The following CFAP43 variants were observed in gnomAD, a reference collection of about 807,000 sequenced individuals.
CFAP43 encodes the protein cilia- and flagella-associated protein 43.
Under a neutral mutation model 218.9 loss-of-function variants are expected in CFAP43, and 155 were observed. The observed-to-expected ratio is 0.71, with a 90% CI of 0.62 to 0.81. The LOEUF is 0.81. Among genes scored for constraint, CFAP43 ranks in the 30% least tolerant of loss-of-function variants. The pLI, the probability that CFAP43 is intolerant of heterozygous loss-of-function variation, is 0.00. For synonymous variants in CFAP43, 645 were observed against 681.3 expected (o/e 0.95, Z 0.83); for missense variants, 1,778 against 1,954.3 (o/e 0.91, Z 1.70).
chr10:104,207,917 T>C, intron 5 of CFAP43, 93 bp from the exon 6 acceptor site: 3 of 1,287,532 alleles, frequency 2.3e-6, no homozygotes, highest in South Asian at 1.5e-5. Flanking sequence ...AAAGGAACCA[T>C]ACTTAACCCC....
At chr10:104,183,588 A>G (rs1261073292) in intron 16 of CFAP43, among the ~76,000 whole-genome samples, 1 of 151,822 alleles carries the variant, frequency 6.6e-6, no homozygotes, top group Non-Finnish European at 1.5e-5. Context: ...ACGGGGTTTC[A>G]CCTTGTTAGC....
At chr10:104,188,820 C>A (rs1382219801) in intron 12 of CFAP43, among the ~76,000 whole-genome samples, 1 of 152,168 alleles carries the variant, frequency 6.6e-6, no homozygotes, top group Non-Finnish European at 1.5e-5. Context: ...TGGTCAAGGA[C>A]TGTGGGTGTG....
At chr10:104,221,403 A>G (rs768827261) in intron 3 of CFAP43, among the ~76,000 whole-genome samples, 2 of 152,070 alleles carry the variant, frequency 1.3e-5, no homozygotes, top group African/African-American at 2.4e-5. Flanking sequence ...ACTTTTGGGG[A>G]GTGATCAGGT....
intron 11 of CFAP43, 193 bp downstream of exon 11, chr10:104,193,673 G>T: frequency 1.5e-6 from 1 of 650,988 alleles, no homozygotes; most frequent in Non-Finnish European, 2.4e-6. Flanking sequence ...TGCCTGCAAG[G>T]ACAGACCTGG....
chr10:104,214,217 C>A, intron 4 of CFAP43, 42 bp downstream of exon 4: 1 of 1,513,786 alleles, frequency 6.6e-7, no homozygotes, highest in Non-Finnish European at 8.8e-7. Context: ...CGAATGCAAA[C>A]AAAGACCACC....
intron 17 of CFAP43, among the ~76,000 whole-genome samples, chr10:104,181,714 C>G (rs1409270370): frequency 1.3e-5 from 2 of 152,194 alleles, no homozygotes; most frequent in African/African-American, 4.8e-5. Flanking sequence ...TCTTGCTACC[C>G]TCCCATTGTC....
chr10:104,141,628 A>G (rs1169713946), intron 33 of CFAP43, among the ~76,000 whole-genome samples: 1 of 152,172 alleles, frequency 6.6e-6, no homozygotes, highest in Non-Finnish European at 1.5e-5. Flanking sequence ...ATAAATAAAT[A>G]AATAAAATAA....
At chr10:104,132,757 C>A in intron 35 of CFAP43, 1 of 982,192 alleles carries the variant, frequency 1.0e-6, no homozygotes, top group Non-Finnish European at 1.2e-6. Flanking sequence ...TTCATTAATT[C>A]ATTTATTCAA....
intron 11 of CFAP43, chr10:104,192,591 A>G (rs2090262973): frequency 3.1e-6 from 1 of 326,152 alleles, no homozygotes; most frequent in Non-Finnish European, 5.6e-6. Context: ...CTGTCGGTAG[A>G]GCTTTCTTGA....
chr10:104,220,949 CGTGTGTGTGTGTGT>C lies in CFAP43; in HGVS notation c.416+4498_416+4511del, dbSNP rs68093596. On this transcript the variant is annotated intron_variant, in intron 3 of 37. Coordinates refer to ENST00000357060, the MANE Select transcript of CFAP43 (RefSeq NM_025145.7). ...CTTTTTCTAACTCTATATGAGTGAG[CGTGTGTGTGTGTGT>C]GTGTGTGTGTGTGTGTGTGTGTGTG... 2.3e-3 allele frequency among the ~76,000 whole-genome samples: 325 copies of C among 143,698 alleles called. 2 individuals are homozygous for C. The highest frequency in any genetic ancestry group is 7.5e-3 in the African/African-American group (294 of 39,180). The allele number at this position is 143,698 out of a possible 152,430, so 94.3% of individuals were successfully genotyped here.
chr10:104,217,998 AC>A (rs2091062505), intron 3 of CFAP43, among the ~76,000 whole-genome samples: 1 of 152,234 alleles, frequency 6.6e-6, no homozygotes, highest in Non-Finnish European at 1.5e-5. Flanking sequence ...TGCTTAGACA[AC>A]ACTTGCTTGC....
chr10:104,226,653 G>GA (rs1349792048), intron 2 of CFAP43, among the ~76,000 whole-genome samples: 1 of 151,712 alleles, frequency 6.6e-6, no homozygotes, highest in Non-Finnish European at 1.5e-5. Context: ...GTGTTTACTT[G>GA]AAAAAATACA....
chr10:104,149,978 A>G (rs2088169630), intron 28 of CFAP43, among the ~76,000 whole-genome samples: 1 of 152,108 alleles, frequency 6.6e-6, no homozygotes, highest in African/African-American at 2.4e-5. Flanking sequence ...CGACTTTCTA[A>G]TTTCTGGCTT....
Position 104,172,414 on chromosome 10 carries a change from G to T in CFAP43, c.2582C>A (p.Ala861Glu), listed in dbSNP as rs774730136. 4 of 1,603,966 alleles carry T rather than the reference G, an allele frequency of 2.5e-6. No individual in the cohort carries two copies. The highest frequency in any genetic ancestry group is 2.3e-5 in the East Asian group (1 of 44,090). The change falls in exon 20 of 38, where the codon GCA becomes GAA. Residue 861 changes from alanine (A) to glutamate (E), a missense_variant. By Grantham distance (107) the Ala-to-Glu change is moderately radical. This residue lies in a region of CFAP43 where 1,553 missense variants were observed against 1,685.2 expected (regional missense o/e 0.92). Transcript: ENST00000357060. ...TTAAATTATACTTTTTCATACCTTT[G>T]CCACTTCTTCCTGACTTTCATCATG... ...RLHDESQEEV[A>E]KMIKDVEMHN...
chr10:104,203,516 T>C (rs2090592972), intron 8 of CFAP43, 156 bp downstream of exon 8: 4 of 594,020 alleles, frequency 6.7e-6, no homozygotes, highest in Non-Finnish European at 1.1e-5. Context: ...CTTTGTAATT[T>C]AGGCCTTTTA....
At chr10:104,157,172 A>G (rs1245131294) in intron 27 of CFAP43, among the ~76,000 whole-genome samples, 1 of 152,194 alleles carries the variant, frequency 6.6e-6, no homozygotes, top group Non-Finnish European at 1.5e-5. Context: ...TTTAGCTGAT[A>G]CTTTGTAGAG....
chr10:104,146,336 T>C lies in CFAP43; in HGVS notation c.3782A>G (p.Glu1261Gly). ...GTCTTCTCTAGATTTCCGAACAGCT[T>C]CTGAAGTCTGGCTCTATAACAGCAT... Reference protein sequence around the residue: ...RKQHEKSQTSEAVRKSREDLD... With the variant: ...RKQHEKSQTSGAVRKSREDLD... The change falls in exon 30 of 38, where the codon GAA becomes GGA. Residue 1261 changes from glutamate to glycine, a missense_variant. Glu to Gly is a moderately conservative substitution (Grantham distance 98). This residue lies in a region of CFAP43 where 1,553 missense variants were observed against 1,685.2 expected (regional missense o/e 0.92). Coordinates refer to ENST00000357060, the MANE Select transcript of CFAP43 (RefSeq NM_025145.7). 1 of 1,613,640 alleles carries C rather than the reference T, an allele frequency of 6.2e-7. No individual in the cohort carries two copies. Among genetic ancestry groups the C allele is most frequent in the Non-Finnish European group, 8.5e-7 (1 of 1,179,658 alleles).
chr10:104,214,772 C>T (rs2090967670), intron 3 of CFAP43, among the ~76,000 whole-genome samples: 2 of 152,222 alleles, frequency 1.3e-5, no homozygotes, highest in African/African-American at 4.8e-5. Flanking sequence ...GTAAGTACTA[C>T]ATGTGAGTAC....
intron 20 of CFAP43, among the ~76,000 whole-genome samples, chr10:104,169,553 G>A (rs1424563341): frequency 1.3e-5 from 2 of 151,002 alleles, no homozygotes; most frequent in East Asian, 1.9e-4. Flanking sequence ...TTTCTGAAAG[G>A]CCTGGTGTGA....
Sources: gnomAD v4.1 joint callset for allele counts (sites outside exome capture counted in the v4.1 genomes callset) on GRCh38, gnomAD v4.1.1 for gene constraint, gnomAD v4.1.1 regional missense constraint, MANE v1.5 for transcripts, NCBI Gene and HGNC (gene_info 2026-07-23, HGNC 2026-07-21) for gene names.